RPF1: variants seen among roughly 807,000 people sequenced by gnomAD.
RPF1 encodes ribosome production factor 1.
Under a neutral mutation model 41.9 loss-of-function variants are expected in RPF1, and 34 were observed. That is an observed-to-expected ratio of 0.81 (90% CI 0.62 to 1.08). RPF1 has a LOEUF of 1.08. RPF1 is among the 50% of genes least tolerant of loss of function. The pLI, the probability that RPF1 is intolerant of heterozygous loss-of-function variation, is 0.00. For missense variants in RPF1, 425 were observed against 435.2 expected, an observed-to-expected ratio of 0.98 and a Z score of 0.21; for synonymous variants, 140 against 148.9, an observed-to-expected ratio of 0.94 and a Z score of 0.43.
At position 84,479,312 on chromosome 1, in the gene RPF1, A is replaced by G. The variant is rs781260984; in HGVS notation, c.31A>G (p.Ser11Gly). The change falls in exon 1 of 9, where the codon AGC (serine) becomes GGC (glycine). Residue 11 changes from serine (S) to glycine (G), a missense_variant. By Grantham distance (56) the Ser-to-Gly change is moderately conservative. Transcript: ENST00000370654. MAKAGDKSSS[S>G]GKKSLKRKAA... The stretch of plus-strand genomic sequence containing the variant: ...GAAAGCCGGGGATAAGAGCAGCAGC[A>G]GCGGGAAGAAAAGTCTAAAACGGAA... The G allele has an allele frequency of 3.7e-6, 6 of 1,608,858 alleles. No individual in the cohort carries two copies. In the Admixed American group the frequency reaches 1.0e-4, roughly 27 times the overall value.
intron 5 of RPF1, among the ~76,000 whole-genome samples, chr1:84,490,855 A>G (rs535725472): frequency 6.6e-6 from 1 of 152,336 alleles, no homozygotes; most frequent in Non-Finnish European, 1.5e-5. Flanking sequence ...CTGGGAGGAA[A>G]GACTTCCCAT....
intron 3 of RPF1, among the ~76,000 whole-genome samples, 173 bp from the exon 4 acceptor site, chr1:84,489,460 C>G (rs955484420): frequency 2.0e-5 from 3 of 152,184 alleles, no homozygotes; most frequent in Non-Finnish European, 4.4e-5. Context: ...CAGGAGAAAT[C>G]CACTCATCCA....
chr1:84,495,003 C>T (rs1363972650), intron 5 of RPF1, among the ~76,000 whole-genome samples: 2 of 152,108 alleles, frequency 1.3e-5, no homozygotes, highest in Non-Finnish European at 2.9e-5. Context: ...TAAACTCATA[C>T]TCTATTTGCA....
At chr1:84,490,186 G>A in intron 4 of RPF1, 133 bp from the exon 5 acceptor site, 1 of 613,424 alleles carries the variant, frequency 1.6e-6, no homozygotes. Context: ...CACTGTTCGA[G>A]TTTCATGCTT....
At chr1:84,493,539 A>G (rs1412623496) in intron 5 of RPF1, among the ~76,000 whole-genome samples, 4 of 151,472 alleles carry the variant, frequency 2.6e-5, no homozygotes, top group Admixed American at 6.6e-5. Context: ...GCAGTGACCC[A>G]TGGTCGTGCC....
At chr1:84,488,640 A>G (rs998050240) in intron 3 of RPF1, among the ~76,000 whole-genome samples, 4 of 152,138 alleles carry the variant, frequency 2.6e-5, no homozygotes, top group Non-Finnish European at 4.4e-5. Context: ...CTGATTTTCA[A>G]AAGAATACTT....
At chr1:84,482,440 C>G (rs984383789) in intron 2 of RPF1, among the ~76,000 whole-genome samples, 2 of 152,158 alleles carry the variant, frequency 1.3e-5, no homozygotes, top group Non-Finnish European at 2.9e-5. Context: ...ATTTCTCCCC[C>G]ATTTACATTC....
At chr1:84,496,925 G>A (rs111552399) in intron 8 of RPF1, among the ~76,000 whole-genome samples, 14,727 of 152,030 alleles carry the variant, frequency 0.097, 967 homozygotes, top group African/African-American at 0.17. Context: ...AGGCTGGAGT[G>A]CAGGGGCGCC....
In RPF1 at chr1:84,495,918, ATAAT is replaced by A; in HGVS notation, c.738_741del (p.Ile247Ter). 6.2e-7 allele frequency: 1 copy of A among 1,610,536 alleles called. No individual in the cohort carries two copies. The highest frequency in any genetic ancestry group is 8.5e-7 in the Non-Finnish European group (1 of 1,177,338). On this transcript the variant is annotated frameshift_variant, in exon 7 of 9. Transcript: ENST00000370654. LOFTEE classifies it high-confidence loss of function. ...GGACCCCACAGAACACATACCTGAA[ATAAT>A]TCTGAATAATTTTACAACACGGCTG...
At chr1:84,490,276 T>C in intron 4 of RPF1, 43 bp from the exon 5 acceptor site, 1 of 1,386,526 alleles carries the variant, frequency 7.2e-7, no homozygotes, top group African/African-American at 1.5e-5. Context: ...ATTTTTATTC[T>C]TTTTTGAAAA....
At position 84,498,150 on chromosome 1, in the gene RPF1, C is replaced by T. The variant is rs993141989; in HGVS notation, c.*680C>T. On this transcript the variant is annotated 3_prime_UTR_variant, in exon 9 of 9. Coordinates refer to ENST00000370654, the MANE Select transcript of RPF1 (RefSeq NM_025065.7). The stretch of plus-strand genomic sequence containing the variant: ...GTAGAACTTAACAGCCTCCTCCTGA[C>T]CTTAAAAGAATAAAGGTTCACAGTT... 3.3e-5 allele frequency among the ~76,000 whole-genome samples: 5 copies of T among 152,102 alleles called. No homozygotes were observed. The highest frequency in any genetic ancestry group is 7.2e-5 in the African/African-American group (3 of 41,404).
chr1:84,485,566 T>C (rs1303334595), intron 3 of RPF1, among the ~76,000 whole-genome samples: 1 of 152,232 alleles, frequency 6.6e-6, no homozygotes, highest in Non-Finnish European at 1.5e-5. Flanking sequence ...TGGGTGTTTT[T>C]GGATTAGGGA....
rs1381972037 is a variant in RPF1 at position 84,495,944 on chromosome 1, G to A, written c.762G>A (p.Arg254=). The change falls in exon 7 of 9, where the codon CGG becomes CGA. Residue 254 remains arginine, a synonymous_variant. Coordinates refer to ENST00000370654, the MANE Select transcript of RPF1 (RefSeq NM_025065.7). ...TAATTCTGAATAATTTTACAACACG[G>A]CTGGGTCATTCAATTGGACGTATGT... ...PEIILNNFTT[R]LGHSIGRMFA... The A allele has an allele frequency of 3.7e-6, 6 of 1,611,006 alleles. No homozygotes were observed. The highest frequency in any genetic ancestry group is 4.2e-6 in the Non-Finnish European group (5 of 1,177,244).
intron 3 of RPF1, among the ~76,000 whole-genome samples, chr1:84,484,162 TTG>T (rs1376657618): frequency 6.6e-6 from 1 of 152,218 alleles, no homozygotes; most frequent in East Asian, 1.9e-4. Flanking sequence ...AGTAAGGTGT[TTG>T]TGTGTGTATG....
In RPF1 at chr1:84,481,709, CATT is replaced by C. The variant is rs1437366784; in HGVS notation, c.285+701_285+703del. ...TTTTTTAAACTACTAAATGCTCATACATTATTGCATAGCTAAGTTATTTTTATT... is the reference window on the plus strand; with the variant it reads ...TTTTTTAAACTACTAAATGCTCATACATTGCATAGCTAAGTTATTTTTATT... On this transcript the variant is annotated intron_variant, in intron 2 of 8. Transcript: ENST00000370654. Among the ~76,000 whole-genome samples the C allele has an allele frequency of 1.3e-5, 2 of 152,108 alleles. 1 individual carries two copies. Among genetic ancestry groups the C allele is most frequent in the African/African-American group, 4.8e-5 (2 of 41,420 alleles).
chr1:84,483,958 T>G (rs1357625763), intron 3 of RPF1, among the ~76,000 whole-genome samples: 2 of 152,124 alleles, frequency 1.3e-5, no homozygotes, highest in Non-Finnish European at 2.9e-5. Flanking sequence ...GTACACAGAA[T>G]AGTCACACAC....
At chr1:84,490,055 C>G (rs907957692) in intron 4 of RPF1, among the ~76,000 whole-genome samples, 2 of 152,134 alleles carry the variant, frequency 1.3e-5, no homozygotes, top group Admixed American at 6.5e-5. Flanking sequence ...CTACCACTAC[C>G]ATCAGTCATA....
intron 4 of RPF1, 141 bp from the exon 5 acceptor site, chr1:84,490,178 C>A: frequency 3.5e-6 from 2 of 573,900 alleles, no homozygotes; most frequent in Non-Finnish European, 5.9e-6. Context: ...AGAGGACACA[C>A]TGTTCGAGTT....
In RPF1 at chr1:84,495,469, ATTTC is replaced by A. The variant is rs768676191; in HGVS notation, c.699+18_699+21del. ...AAAGAAATTAAGGTAAGTTTTATACATTTCTTTGATTGGCATTGATCTCTTCACA... is the reference window on the plus strand; with the variant it reads ...AAAGAAATTAAGGTAAGTTTTATACATTTGATTGGCATTGATCTCTTCACA... On this transcript the variant is annotated intron_variant, in intron 6 of 8. Transcript: ENST00000370654. 2.8e-6 allele frequency: 3 copies of A among 1,069,302 alleles called. No homozygotes were observed. The highest frequency in any genetic ancestry group is 1.4e-5 in the South Asian group (1 of 73,378). The allele number at this position is 1,069,302 out of a possible 1,614,324, so 66.2% of individuals were successfully genotyped here.
Sources: gnomAD v4.1 joint callset for allele counts (sites outside exome capture counted in the v4.1 genomes callset) on GRCh38, gnomAD v4.1.1 for gene constraint, MANE v1.5 for transcripts, NCBI Gene and HGNC (gene_info 2026-07-23, HGNC 2026-07-21) for gene names.